TBL1XR1: variants seen among roughly 807,000 people sequenced by gnomAD.
TBL1XR1 encodes F-box-like/WD repeat-containing protein TBL1XR1.
In TBL1XR1, 5 loss-of-function variants were observed where a neutral mutation model predicts 66.9. The ratio of observed to expected loss-of-function variants is 0.07; its 90% CI spans 0.04 to 0.16. The LOEUF (loss-of-function observed/expected upper bound fraction) is 0.16, where lower values mean the gene tolerates loss of function less well. TBL1XR1 is among the 10% of genes least tolerant of loss of function. TBL1XR1 has a pLI of 1.00. For synonymous variants in TBL1XR1, 210 were observed against 206.0 expected (o/e 1.02, Z -0.17); for missense variants, 238 against 623.2 (o/e 0.38, Z 6.58).
intron 2 of TBL1XR1, among the ~76,000 whole-genome samples, chr3:177,085,912 T>C (rs1246861623): frequency 6.6e-6 from 1 of 152,088 alleles, no homozygotes; most frequent in East Asian, 1.9e-4. Context: ...AATGCTGGAG[T>C]GCAAATGAGA....
intron 1 of TBL1XR1, among the ~76,000 whole-genome samples, chr3:177,179,241 A>G (rs1168543561): frequency 1.3e-5 from 2 of 152,264 alleles, no homozygotes; most frequent in East Asian, 3.9e-4. Context: ...AACAGGAAGA[A>G]TTCACAAGTG....
chr3:177,042,611 T>A (rs1715741410), intron 10 of TBL1XR1, among the ~76,000 whole-genome samples: 1 of 152,170 alleles, frequency 6.6e-6, no homozygotes, highest in Non-Finnish European at 1.5e-5. Flanking sequence ...ACTCTTAAAA[T>A]GAGTCTTGAT....
intron 2 of TBL1XR1, among the ~76,000 whole-genome samples, chr3:177,083,895 C>G (rs527851276): frequency 2.6e-5 from 4 of 152,034 alleles, no homozygotes; most frequent in South Asian, 4.1e-4. Flanking sequence ...CGAGATCAGC[C>G]TGGCCAACAT....
At chr3:177,054,034 C>G in intron 3 of TBL1XR1, 116 bp from the exon 4 acceptor site, 2 of 1,136,840 alleles carry the variant, frequency 1.8e-6, no homozygotes, top group South Asian at 1.5e-5. Context: ...TTTAAAATCC[C>G]AGACGAAGGT....
chr3:177,026,670 A>C (rs1338880904), intron 14 of TBL1XR1, 196 bp from the exon 15 acceptor site: 1 of 493,654 alleles, frequency 2.0e-6, no homozygotes, highest in Non-Finnish European at 3.5e-6. Flanking sequence ...CCTGTTCTCA[A>C]AAGATTACTC....
intron 1 of TBL1XR1, among the ~76,000 whole-genome samples, chr3:177,183,258 A>G (rs1735037373): frequency 6.6e-6 from 1 of 152,220 alleles, no homozygotes; most frequent in Non-Finnish European, 1.5e-5. Context: ...ATTAAGTAAT[A>G]AAATTCATTT....
chr3:177,195,129 A>G (rs904375729), intron 1 of TBL1XR1, among the ~76,000 whole-genome samples: 2 of 152,258 alleles, frequency 1.3e-5, no homozygotes, highest in East Asian at 3.9e-4. Context: ...CAAACGTCAA[A>G]AAAAATAGTA....
chr3:177,042,178 T>C (rs1428205544), intron 10 of TBL1XR1, among the ~76,000 whole-genome samples: 5 of 152,198 alleles, frequency 3.3e-5, no homozygotes, highest in Non-Finnish European at 7.3e-5. Flanking sequence ...TCACTTAAAA[T>C]ACAATTCTAA....
intron 1 of TBL1XR1, among the ~76,000 whole-genome samples, chr3:177,124,864 T>C (rs904121255): frequency 1.3e-5 from 2 of 152,018 alleles, no homozygotes; most frequent in Admixed American, 1.3e-4. Context: ...TTACGACAAC[T>C]GAACAGCTAA....
intron 1 of TBL1XR1, among the ~76,000 whole-genome samples, chr3:177,100,235 C>A (rs1265585011): frequency 6.6e-6 from 1 of 152,072 alleles, no homozygotes; most frequent in Non-Finnish European, 1.5e-5. Context: ...GAGACTCTGT[C>A]TCAAACAAAC....
At chr3:177,040,814 A>T (rs1715480341) in intron 10 of TBL1XR1, among the ~76,000 whole-genome samples, 1 of 152,222 alleles carries the variant, frequency 6.6e-6, no homozygotes, top group Non-Finnish European at 1.5e-5. Flanking sequence ...TATTTCTACA[A>T]TGAAAAACTA....
intron 1 of TBL1XR1, among the ~76,000 whole-genome samples, chr3:177,135,884 C>T (rs1467893086): frequency 6.6e-6 from 1 of 151,322 alleles, no homozygotes; most frequent in Non-Finnish European, 1.5e-5. Flanking sequence ...GAGGTTAATC[C>T]CAGAGGGCTG....
chr3:177,082,738 T>TTATATATATATACATATATATATA (rs1553832291), intron 2 of TBL1XR1, among the ~76,000 whole-genome samples: 2 of 63,234 alleles, frequency 3.2e-5, no homozygotes, highest in African/African-American at 1.3e-4. Flanking sequence ...AAGATAGAGA[T>TTATATATATATACATATATATATA]TATATATATA....
chr3:177,172,669 AGGG>A (rs1251076939), intron 1 of TBL1XR1, among the ~76,000 whole-genome samples: 5 of 39,962 alleles, frequency 1.3e-4, no homozygotes, highest in Non-Finnish European at 1.7e-4. Flanking sequence ...GAGAGAAGGG[AGGG>A]GAGGGGAGGG....
intron 1 of TBL1XR1, among the ~76,000 whole-genome samples, chr3:177,112,460 A>C (rs964801501): frequency 2.6e-5 from 4 of 151,960 alleles, no homozygotes; most frequent in Non-Finnish European, 4.4e-5. Context: ...AGGACAGTTA[A>C]AGAAAAGCTG....
intron 2 of TBL1XR1, among the ~76,000 whole-genome samples, chr3:177,075,555 A>G (rs1212605369): frequency 1.3e-5 from 2 of 152,250 alleles, no homozygotes; most frequent in African/African-American, 4.8e-5. Context: ...TCCATCTTAG[A>G]AAGAACTAAC....
At chr3:177,096,678 A>G (rs1426535871) in intron 2 of TBL1XR1, among the ~76,000 whole-genome samples, 2 of 152,226 alleles carry the variant, frequency 1.3e-5, no homozygotes, top group African/African-American at 4.8e-5. Context: ...CAAAAAGCCA[A>G]GAGCAGATAC....
At chr3:177,109,820 G>A (rs1020300013) in intron 1 of TBL1XR1, among the ~76,000 whole-genome samples, 7 of 152,122 alleles carry the variant, frequency 4.6e-5, no homozygotes, top group African/African-American at 1.7e-4. Flanking sequence ...ATTAAAGTAG[G>A]ATGGTCAGAG....
intron 1 of TBL1XR1, among the ~76,000 whole-genome samples, chr3:177,171,107 G>A (rs149370632): frequency 6.0e-4 from 91 of 152,058 alleles, no homozygotes; most frequent in African/African-American, 2.1e-3. Flanking sequence ...TTGGAAGGCC[G>A]AGGCGAGCGG....
Sources: allele counts gnomAD v4.1 joint callset (sites outside exome capture counted in the v4.1 genomes callset), GRCh38; gene constraint gnomAD v4.1.1; transcripts MANE v1.5; gene names NCBI Gene and HGNC (gene_info 2026-07-23, HGNC 2026-07-21).